Variants in KCNIP4 observed in about 807,000 individuals in gnomAD.
KCNIP4 encodes Kv channel-interacting protein 4.
KCNIP4 carries 12 observed loss-of-function variants against 34.0 expected under a neutral mutation model. The ratio of observed to expected loss-of-function variants is 0.35; its 90% CI spans 0.23 to 0.57. The LOEUF is 0.57. KCNIP4 is among the 20% of genes least tolerant of loss of function. The pLI is 0.83. For synonymous variants in KCNIP4, 124 were observed against 102.2 expected (o/e 1.21, Z -1.29); for missense variants, 238 against 311.7 (o/e 0.76, Z 1.78).
At chr4:20,852,655 G>C (rs1475268899) in intron 2 of KCNIP4, among the ~76,000 whole-genome samples, 2 of 152,074 alleles carry the variant, frequency 1.3e-5, no homozygotes, top group Non-Finnish European at 2.9e-5. Context: ...GAAAACAAGG[G>C]CATCCAAATT....
intron 5 of KCNIP4, among the ~76,000 whole-genome samples, chr4:20,743,680 TAGGCAATACCATTC>T (rs1751720212): frequency 6.6e-6 from 1 of 152,086 alleles, no homozygotes; most frequent in South Asian, 2.1e-4. Context: ...GAAGAAAACC[TAGGCAATACCATTC>T]AGGACATAGG....
rs187524857 is a variant in KCNIP4, at chr4:21,324,794, G to A, written c.62-442085C>T. Among the ~76,000 whole-genome samples the A allele has an allele frequency of 4.4e-3, 665 of 151,620 alleles. 6 individuals carry two copies. The highest frequency in any genetic ancestry group is 0.015 in the African/African-American group (630 of 41,422). ...GGACAGTTTTTTCTATGTCTGTGAA[G>A]ACTGCCATTGGTTATTTTGATAGGA... On this transcript the variant is annotated intron_variant, in intron 1 of 8. Transcript: ENST00000382152.
chr4:21,501,235 C>G (rs1733300272), intron 1 of KCNIP4, among the ~76,000 whole-genome samples: 1 of 129,118 alleles, frequency 7.7e-6, no homozygotes, highest in African/African-American at 3.0e-5. Flanking sequence ...CTCTCTCTCT[C>G]TCTCTCTCTC....
chr4:21,747,765 C>G (rs1185928432), intron 1 of KCNIP4, among the ~76,000 whole-genome samples: 1 of 152,076 alleles, frequency 6.6e-6, no homozygotes, highest in East Asian at 1.9e-4. Flanking sequence ...AAAACTCACA[C>G]CCACCTGGAA....
At chr4:20,822,130 C>A (rs1717183142) in intron 3 of KCNIP4, among the ~76,000 whole-genome samples, 3 of 152,148 alleles carry the variant, frequency 2.0e-5, no homozygotes, top group South Asian at 4.2e-4. Flanking sequence ...AAACAGAAAA[C>A]CCACAGAGTG....
At chr4:21,321,460 C>G (rs970737301) in intron 1 of KCNIP4, among the ~76,000 whole-genome samples, 3 of 152,024 alleles carry the variant, frequency 2.0e-5, no homozygotes, top group Admixed American at 1.3e-4. Flanking sequence ...GAGAAGACAT[C>G]TAAGTGTTCT....
chr4:21,154,975 C>G (rs543362975), intron 1 of KCNIP4, among the ~76,000 whole-genome samples: 1 of 152,214 alleles, frequency 6.6e-6, no homozygotes, highest in Non-Finnish European at 1.5e-5. Context: ...CACACTTGCT[C>G]TCTTTCATAT....
intron 1 of KCNIP4, chr4:21,844,747 A>G (rs1723902037): frequency 6.6e-6 from 1 of 152,072 alleles, no homozygotes; most frequent in African/African-American, 2.4e-5. Context: ...ACATATTTCA[A>G]CAGGACACAG....
At chr4:21,181,946 C>T (rs1754874176) in intron 1 of KCNIP4, among the ~76,000 whole-genome samples, 1 of 152,140 alleles carries the variant, frequency 6.6e-6, no homozygotes, top group South Asian at 2.1e-4. Flanking sequence ...CAAACAGTCT[C>T]CAGTTTCTAC....
intron 1 of KCNIP4, among the ~76,000 whole-genome samples, chr4:21,669,822 G>T (rs980796524): frequency 6.6e-6 from 1 of 152,132 alleles, no homozygotes; most frequent in African/African-American, 2.4e-5. Context: ...CACCAAGGCT[G>T]AAAGCATTTG....
intron 1 of KCNIP4, among the ~76,000 whole-genome samples, chr4:21,615,626 C>G (rs1489986729): frequency 6.6e-6 from 1 of 151,972 alleles, no homozygotes; most frequent in Admixed American, 6.6e-5. Context: ...CAGACAAAAC[C>G]TGAAAACAAA....
chr4:21,935,293 A>G (rs1729793497), intron 1 of KCNIP4, among the ~76,000 whole-genome samples: 1 of 151,968 alleles, frequency 6.6e-6, no homozygotes, highest in South Asian at 2.1e-4. Flanking sequence ...TTAATCTTTC[A>G]TTTACATCAG....
At chr4:20,955,370 T>C (rs1275952348) in intron 1 of KCNIP4, among the ~76,000 whole-genome samples, 4 of 152,216 alleles carry the variant, frequency 2.6e-5, no homozygotes, top group Admixed American at 6.5e-5. Context: ...TCCTCTTATC[T>C]AGAAACTAGG....
In KCNIP4 at chr4:21,372,745, G is replaced by A. The variant is rs548602049; in HGVS notation, c.62-490036C>T. Reference sequence around the variant, plus strand: ...ATCCTTTAATCCAAAATTACTACAAGGAATATGAACTAAAAAAGCCAAAAG... The same window carrying A: ...ATCCTTTAATCCAAAATTACTACAAAGAATATGAACTAAAAAAGCCAAAAG... On this transcript the variant is annotated intron_variant, in intron 1 of 8. Transcript: ENST00000382152. Among the ~76,000 whole-genome samples, 9 of 146,200 alleles carry A rather than the reference G, an allele frequency of 6.2e-5. 1 individual carries two copies. Among genetic ancestry groups the A allele is most frequent in the Middle Eastern group, 3.4e-3 (1 of 294 alleles).
chr4:21,492,103 G>A (rs1466039605), intron 1 of KCNIP4, among the ~76,000 whole-genome samples: 1 of 152,144 alleles, frequency 6.6e-6, no homozygotes, highest in Non-Finnish European at 1.5e-5. Context: ...GGAAATCCAT[G>A]GAGTTGGCCA....
intron 1 of KCNIP4, among the ~76,000 whole-genome samples, chr4:21,552,066 C>CA (rs71191519): frequency 1.6e-4 from 8 of 50,832 alleles, no homozygotes; most frequent in East Asian, 2.2e-3. Context: ...AAAACAACAA[C>CA]AAAAAAAAAC....
intron 1 of KCNIP4, among the ~76,000 whole-genome samples, chr4:21,563,936 C>G (rs897515633): frequency 2.0e-5 from 3 of 151,956 alleles, no homozygotes; most frequent in Non-Finnish European, 4.4e-5. Flanking sequence ...AAAAGAATCA[C>G]GTAAATTGTT....
chr4:21,818,627 T>G (rs1722136585), intron 1 of KCNIP4, among the ~76,000 whole-genome samples: 1 of 152,242 alleles, frequency 6.6e-6, no homozygotes, highest in South Asian at 2.1e-4. Context: ...GGCTACTATA[T>G]TGGATAGCAC....
intron 1 of KCNIP4, among the ~76,000 whole-genome samples, chr4:21,746,874 G>A (rs1577933557): frequency 1.3e-5 from 2 of 152,118 alleles, no homozygotes; most frequent in African/African-American, 4.8e-5. Flanking sequence ...AATAAAAGGA[G>A]CAGGAAATAT....
Sources: gnomAD v4.1 joint callset for allele counts (sites outside exome capture counted in the v4.1 genomes callset) on GRCh38, gnomAD v4.1.1 for gene constraint, MANE v1.5 for transcripts, NCBI Gene and HGNC (gene_info 2026-07-23, HGNC 2026-07-21) for gene names.